The following PTPRD variants were observed in gnomAD, a reference collection of about 807,000 sequenced individuals.
PTPRD encodes protein tyrosine phosphatase receptor type D.
A neutral mutation model predicts 214.5 loss-of-function variants in PTPRD; 34 were observed. The ratio of observed to expected loss-of-function variants is 0.16; its 90% CI spans 0.12 to 0.21. The LOEUF is 0.21. Among genes scored for constraint, PTPRD ranks in the 10% least tolerant of loss-of-function variants. The pLI, the probability that PTPRD is intolerant of heterozygous loss-of-function variation, is 1.00. For missense variants in PTPRD, 2,545 were observed against 2,398.7 expected, an observed-to-expected ratio of 1.06 and a Z score of -1.27; for synonymous variants, 1,128 against 845.7, an observed-to-expected ratio of 1.33 and a Z score of -5.79.
intron 5 of PTPRD, among the ~76,000 whole-genome samples, chr9:9,821,108 G>C (rs1477127721): frequency 1.3e-5 from 2 of 152,072 alleles, no homozygotes; most frequent in African/African-American, 4.8e-5. Flanking sequence ...CAATCCATGA[G>C]CATAAATTTT....
intron 11 of PTPRD, among the ~76,000 whole-genome samples, chr9:8,835,032 T>C (rs966027406): frequency 5.3e-5 from 8 of 152,190 alleles, no homozygotes; most frequent in Non-Finnish European, 8.8e-5. Context: ...GTACCCACCA[T>C]CTGGGTCAGG....
intron 8 of PTPRD, among the ~76,000 whole-genome samples, chr9:9,482,772 C>A (rs906057080): frequency 1.3e-5 from 2 of 152,232 alleles, no homozygotes; most frequent in Non-Finnish European, 2.9e-5. Flanking sequence ...TATGAAGAGA[C>A]AATTAAGGCT....
chr9:9,454,067 G>T (rs1036208610), intron 8 of PTPRD, among the ~76,000 whole-genome samples: 2 of 150,874 alleles, frequency 1.3e-5, no homozygotes, highest in East Asian at 1.9e-4. Flanking sequence ...AGAATTTCAC[G>T]ACAGATTCTT....
chr9:9,432,971 G>A (rs147303882), intron 8 of PTPRD, among the ~76,000 whole-genome samples: 3 of 152,076 alleles, frequency 2.0e-5, no homozygotes, highest in African/African-American at 4.8e-5. Context: ...TTCAGAGGCC[G>A]CTGAAATAGT....
intron 9 of PTPRD, among the ~76,000 whole-genome samples, chr9:9,340,596 A>G (rs772449763): frequency 1.3e-5 from 2 of 152,218 alleles, no homozygotes; most frequent in African/African-American, 2.4e-5. Flanking sequence ...GCGTGATCAC[A>G]CTGTGAGTTA....
intron 14 of PTPRD, among the ~76,000 whole-genome samples, chr9:8,630,883 C>A (rs1028562895): frequency 6.6e-6 from 1 of 151,738 alleles, no homozygotes; most frequent in African/African-American, 2.4e-5. Context: ...AAAGATAAGT[C>A]AAGCACATGA....
intron 11 of PTPRD, among the ~76,000 whole-genome samples, chr9:8,980,332 G>C (rs1158298827): frequency 6.6e-6 from 1 of 151,906 alleles, no homozygotes; most frequent in Admixed American, 6.6e-5. Flanking sequence ...GTGGACTAAA[G>C]TTAATAAAAT....
At chr9:10,419,298 A>T (rs2098524355) in intron 2 of PTPRD, among the ~76,000 whole-genome samples, 1 of 151,764 alleles carries the variant, frequency 6.6e-6, no homozygotes, top group African/African-American at 2.4e-5. Context: ...GTAACACTGG[A>T]CTCTAATCTT....
At chr9:9,243,257 T>C (rs1447908896) in intron 9 of PTPRD, among the ~76,000 whole-genome samples, 7 of 151,960 alleles carry the variant, frequency 4.6e-5, no homozygotes, top group Admixed American at 4.6e-4. Flanking sequence ...TTACAATCAA[T>C]AGAAAAAGAG....
intron 44 of PTPRD, among the ~76,000 whole-genome samples, chr9:8,321,487 G>GTGCATA (rs1168847469): frequency 2.2e-5 from 1 of 44,540 alleles, no homozygotes; most frequent in Non-Finnish European, 3.9e-5. Flanking sequence ...GTGTGTGTGT[G>GTGCATA]TATATATATA....
chr9:8,633,299 C>T lies in PTPRD; in HGVS notation c.352+18G>A. ...TTGTAACAATGACACAAACGACAAC[C>T]TTCACTTGAGCACTTACCCCGCAAA... is the stretch of plus-strand genomic sequence containing the variant. On this transcript the variant is annotated intron_variant, in intron 14 of 45. Transcript: ENST00000381196. 1.3e-5 allele frequency: 21 copies of T among 1,607,216 alleles called. No homozygotes were observed. The highest frequency in any genetic ancestry group is 1.7e-5 in the Non-Finnish European group (20 of 1,176,648).
At chr9:8,788,810 T>A (rs1166285016) in intron 11 of PTPRD, among the ~76,000 whole-genome samples, 1 of 152,174 alleles carries the variant, frequency 6.6e-6, no homozygotes, top group Non-Finnish European at 1.5e-5. Context: ...AACCAACTGT[T>A]TACTCAGGAA....
intron 2 of PTPRD, among the ~76,000 whole-genome samples, chr9:10,456,377 G>C (rs747235165): frequency 2.6e-5 from 4 of 151,836 alleles, no homozygotes; most frequent in Non-Finnish European, 5.9e-5. Flanking sequence ...CAATCACTAA[G>C]CATGATGGTG....
At chr9:10,389,615 GATAA>G (rs535204799) in intron 2 of PTPRD, among the ~76,000 whole-genome samples, 4 of 151,818 alleles carry the variant, frequency 2.6e-5, no homozygotes, top group Admixed American at 1.3e-4. Flanking sequence ...CTGTAATGCA[GATAA>G]ATAAATCCAT....
intron 3 of PTPRD, among the ~76,000 whole-genome samples, chr9:10,239,214 G>C (rs1021706488): frequency 2.6e-5 from 4 of 151,946 alleles, no homozygotes; most frequent in Non-Finnish European, 4.4e-5. Flanking sequence ...TTTTCCATCA[G>C]GCAAAGTCAC....
rs148187998 is a variant in PTPRD, at chr9:9,957,314, A to G, written c.-471-18704T>C. 2.0e-5 allele frequency among the ~76,000 whole-genome samples: 3 copies of G among 152,322 alleles called. No homozygotes were observed. The East Asian group carries it at 5.8e-4, about 29-fold the overall frequency. ...ATAAAATCCTGTGAAACATTAATGT[A>G]CAACCTAAAATTACAAAAGACATAT... On this transcript the variant is annotated intron_variant, in intron 4 of 45. Transcript: ENST00000381196.
At chr9:8,735,128 GT>G (rs1376299728) in intron 11 of PTPRD, among the ~76,000 whole-genome samples, 10 of 142,576 alleles carry the variant, frequency 7.0e-5, no homozygotes, top group Admixed American at 2.1e-4. Context: ...CAATAATTTG[GT>G]TTTTTTTTGT....
chr9:10,475,472 GA>G (rs565567525), intron 2 of PTPRD, among the ~76,000 whole-genome samples: 181 of 152,088 alleles, frequency 1.2e-3, no homozygotes, highest in Non-Finnish European at 2.0e-3. Flanking sequence ...AAAAAGTTCT[GA>G]AATTGAGGAA....
chr9:9,063,360 G>A (rs576361774), intron 10 of PTPRD, among the ~76,000 whole-genome samples: 24 of 152,122 alleles, frequency 1.6e-4, no homozygotes, highest in Non-Finnish European at 2.6e-4. Flanking sequence ...TGATGATTTA[G>A]AAGTTAAAGT....
Sources: gnomAD v4.1 joint callset for allele counts (sites outside exome capture counted in the v4.1 genomes callset) on GRCh38, gnomAD v4.1.1 for gene constraint, MANE v1.5 for transcripts, NCBI Gene and HGNC (gene_info 2026-07-23, HGNC 2026-07-21) for gene names.